The following ARHGAP15 variants were observed in gnomAD, a reference collection of about 807,000 sequenced individuals.
The protein encoded by ARHGAP15 is Rho GTPase activating protein 15.
Under a neutral mutation model 63.7 loss-of-function variants are expected in ARHGAP15, and 51 were observed. The ratio of observed to expected loss-of-function variants is 0.80; its 90% confidence interval spans 0.64 to 1.01. The LOEUF (loss-of-function observed/expected upper bound fraction) is 1.01. Ranked by LOEUF, ARHGAP15 falls within the 50% of genes least tolerant of loss-of-function variation. The pLI is 0.00. For synonymous variants in ARHGAP15, 191 were observed against 193.8 expected (o/e 0.99, Z 0.12); for missense variants, 560 against 564.6 (o/e 0.99, Z 0.08).
chr2:143,719,209 T>A (rs1684943290), intron 13 of ARHGAP15, among the ~76,000 whole-genome samples: 2 of 152,236 alleles, frequency 1.3e-5, no homozygotes, highest in Admixed American at 1.3e-4. Context: ...CTTCCCTATA[T>A]CAATTTTGTA....
chr2:143,213,685 G>T (rs1411603690), intron 3 of ARHGAP15, among the ~76,000 whole-genome samples: 3 of 152,188 alleles, frequency 2.0e-5, no homozygotes, highest in Non-Finnish European at 4.4e-5. Context: ...CATAGCAGAA[G>T]CGTTATTAGC....
intron 8 of ARHGAP15, among the ~76,000 whole-genome samples, chr2:143,477,678 G>T (rs1446203195): frequency 6.6e-5 from 10 of 151,182 alleles, no homozygotes; most frequent in Non-Finnish European, 1.2e-4. Flanking sequence ...ATTCAAAAAA[G>T]AAAGAATGGG....
intron 5 of ARHGAP15, among the ~76,000 whole-genome samples, chr2:143,231,642 C>T (rs986581595): frequency 1.3e-5 from 2 of 152,208 alleles, no homozygotes; most frequent in African/African-American, 4.8e-5. Context: ...ACTTTCCTTT[C>T]TCACTGAAGT....
At chr2:143,625,195 C>T (rs569095495) in intron 12 of ARHGAP15, among the ~76,000 whole-genome samples, 34 of 151,832 alleles carry the variant, frequency 2.2e-4, no homozygotes, top group Non-Finnish European at 3.7e-4. Context: ...AAAATCCTAA[C>T]GAGACAAATC....
chr2:143,153,847 TCCTCCTCCTCCTCCTCCTCCTCC>T (rs1558779685), intron 1 of ARHGAP15, among the ~76,000 whole-genome samples: 1,164 of 73,954 alleles, frequency 0.016, 12 homozygotes, highest in South Asian at 0.03. Flanking sequence ...TTCTTCTTCC[TCCTCCTCCTCCTCCTCCTCCTCC>T]TCTTCCTCCT....
intron 8 of ARHGAP15, among the ~76,000 whole-genome samples, chr2:143,463,600 C>T (rs1691064098): frequency 6.6e-6 from 1 of 152,064 alleles, no homozygotes; most frequent in African/African-American, 2.4e-5. Context: ...TCAGAACAGG[C>T]CAGTTGCAAC....
intron 5 of ARHGAP15, among the ~76,000 whole-genome samples, chr2:143,241,564 C>T (rs752124479): frequency 6.6e-6 from 1 of 152,176 alleles, no homozygotes; most frequent in South Asian, 2.1e-4. Context: ...GAAGTCTTTT[C>T]GCTCACATTC....
chr2:143,190,839 C>T (rs996748114), intron 2 of ARHGAP15, among the ~76,000 whole-genome samples: 1 of 152,204 alleles, frequency 6.6e-6, no homozygotes, highest in Non-Finnish European at 1.5e-5. Flanking sequence ...GGTGCAATCT[C>T]GGCTCACTGC....
At chr2:143,623,986 G>GAA in intron 11 of ARHGAP15, 147 bp from the exon 12 acceptor site, 2 of 836,142 alleles carry the variant, frequency 2.4e-6, no homozygotes, top group South Asian at 2.3e-5. Context: ...AAAGAGGGAG[G>GAA]AAAAAAAAAT....
At position 143,510,201 on chromosome 2, in the gene ARHGAP15, A is replaced by G. The variant is rs116367916; in HGVS notation, c.827-9065A>G. 4.3e-3 allele frequency among the ~76,000 whole-genome samples: 658 copies of G among 152,274 alleles called. 5 individuals are homozygous for G. Among genetic ancestry groups the G allele is most frequent in the Non-Finnish European group, 5.0e-3 (340 of 68,014 alleles). ...TGTTTGGAATACGATTTTGTCTTCCAATATCCGCTGCCTCTCTATTATAGC... is the reference window on the plus strand; with the variant it reads ...TGTTTGGAATACGATTTTGTCTTCCGATATCCGCTGCCTCTCTATTATAGC... On this transcript the variant is annotated intron_variant, in intron 9 of 13. Coordinates refer to ENST00000295095, the MANE Select transcript of ARHGAP15 (RefSeq NM_018460.4).
chr2:143,621,009 T>C (rs1698626910), intron 11 of ARHGAP15, among the ~76,000 whole-genome samples: 1 of 152,244 alleles, frequency 6.6e-6, no homozygotes, highest in Non-Finnish European at 1.5e-5. Context: ...TAAATCTTTG[T>C]TGAGTTACTT....
Position 143,405,935 on chromosome 2 carries a change from T to C in ARHGAP15, c.475-29666T>C, listed in dbSNP as rs78236908. On this transcript the variant is annotated intron_variant, in intron 6 of 13. Coordinates refer to ENST00000295095, the MANE Select transcript of ARHGAP15 (RefSeq NM_018460.4). The stretch of plus-strand genomic sequence containing the variant: ...AAAGTCTGGTAATGCTGCAAGATCA[T>C]ATTTTAGGATTTTAATTCTGTGGCA... Among the ~76,000 whole-genome samples the C allele has an allele frequency of 3.3e-4, 50 of 152,102 alleles. No individual in the cohort carries two copies. In the East Asian group the frequency reaches 9.1e-3, roughly 28 times the overall value.
Position 143,419,999 on chromosome 2 carries a change from G to A in ARHGAP15, c.475-15602G>A, listed in dbSNP as rs535483584. On this transcript the variant is annotated intron_variant, in intron 6 of 13. Transcript: ENST00000295095. ...CCAGACCTTAGACGGCAGGTTTAGG[G>A]AATTAGTTTGTCATCCAAAGAGGCT... Among the ~76,000 whole-genome samples, 59 of 152,214 alleles carry A rather than the reference G, an allele frequency of 3.9e-4. No homozygotes were observed. In the South Asian group the frequency reaches 0.012, roughly 31 times the overall value.
intron 12 of ARHGAP15, among the ~76,000 whole-genome samples, chr2:143,691,043 C>T (rs1421508556): frequency 1.3e-5 from 2 of 152,090 alleles, no homozygotes; most frequent in Admixed American, 6.6e-5. Flanking sequence ...AGCGGACGGA[C>T]GTACTCTCTT....
At chr2:143,734,613 TAAAC>T (rs1324363201) in intron 13 of ARHGAP15, among the ~76,000 whole-genome samples, 1 of 152,238 alleles carries the variant, frequency 6.6e-6, no homozygotes, top group Non-Finnish European at 1.5e-5. Flanking sequence ...ACTTCATTAA[TAAAC>T]ATCCTGTTAT....
At chr2:143,265,245 G>A (rs148245435) in intron 6 of ARHGAP15, among the ~76,000 whole-genome samples, 2 of 149,474 alleles carry the variant, frequency 1.3e-5, no homozygotes, top group African/African-American at 2.5e-5. Context: ...TTAATAGAAC[G>A]ACCCAACAGA....
intron 6 of ARHGAP15, among the ~76,000 whole-genome samples, chr2:143,355,606 A>G (rs567544396): frequency 5.4e-4 from 82 of 152,290 alleles, no homozygotes; most frequent in African/African-American, 1.9e-3. Context: ...CTTGACAAGA[A>G]ATAACATTCA....
intron 5 of ARHGAP15, among the ~76,000 whole-genome samples, chr2:143,243,083 T>C (rs1381143508): frequency 6.6e-6 from 1 of 152,170 alleles, no homozygotes; most frequent in Non-Finnish European, 1.5e-5. Flanking sequence ...GGCCAAATGA[T>C]TTGTGGCCTG....
intron 12 of ARHGAP15, among the ~76,000 whole-genome samples, chr2:143,684,329 T>C (rs1050256321): frequency 2.0e-5 from 3 of 152,212 alleles, no homozygotes; most frequent in African/African-American, 7.2e-5. Context: ...CTCATTTGAT[T>C]TGATTCCAGT....
Sources: allele counts gnomAD v4.1 joint callset (sites outside exome capture counted in the v4.1 genomes callset), GRCh38; gene constraint gnomAD v4.1.1; transcripts MANE v1.5; gene names NCBI Gene and HGNC (gene_info 2026-07-23, HGNC 2026-07-21).